Variants in GALNTL6 observed in about 807,000 individuals in gnomAD.
GALNTL6 encodes polypeptide N-acetylgalactosaminyltransferase like 6.
Under a neutral mutation model 73.7 loss-of-function variants are expected in GALNTL6, and 46 were observed. The observed-to-expected ratio is 0.62, with a 90% confidence interval of 0.49 to 0.80. The LOEUF (loss-of-function observed/expected upper bound fraction) is 0.80, where lower values mean the gene tolerates loss of function less well. Ranked by LOEUF, GALNTL6 falls within the 30% of genes least tolerant of loss-of-function variation. The pLI is 0.00. For synonymous variants in GALNTL6, 259 were observed against 263.7 expected (o/e 0.98, Z 0.17); for missense variants, 604 against 755.0 (o/e 0.80, Z 2.34).
chr4:172,313,359 G>A (rs1345088041), intron 4 of GALNTL6, among the ~76,000 whole-genome samples: 2 of 151,902 alleles, frequency 1.3e-5, no homozygotes, highest in Non-Finnish European at 2.9e-5. Context: ...TCCTGACCTC[G>A]TGATCCGCCC....
chr4:172,345,773 C>T lies in GALNTL6; in HGVS notation c.387-2750C>T, dbSNP rs1346425428. 2.6e-5 allele frequency among the ~76,000 whole-genome samples: 4 copies of T among 151,982 alleles called. 1 individual carries two copies. The highest frequency in any genetic ancestry group is 5.9e-5 in the Non-Finnish European group (4 of 68,014). On this transcript the variant is annotated intron_variant, in intron 4 of 12. Coordinates refer to ENST00000506823, the MANE Select transcript of GALNTL6 (RefSeq NM_001034845.3). ...GGTAATCACAGAATGTAGAGTGGTG[C>T]GGTTCAGGGAATGTGAGAAAGGAAG...
chr4:172,395,480 ACTAT>A (rs1743815938), intron 5 of GALNTL6, among the ~76,000 whole-genome samples: 1 of 152,156 alleles, frequency 6.6e-6, no homozygotes, highest in African/African-American at 2.4e-5. Context: ...TGACCTTTAG[ACTAT>A]CTTATTATTG....
At chr4:172,527,072 A>G (rs1186652114) in intron 5 of GALNTL6, among the ~76,000 whole-genome samples, 1 of 152,196 alleles carries the variant, frequency 6.6e-6, no homozygotes, top group Non-Finnish European at 1.5e-5. Flanking sequence ...GCTACTGTGT[A>G]ATTACATACA....
rs1313165287 is a variant in GALNTL6, at chr4:172,981,735, AC to A, written c.1372-27442del. Among the ~76,000 whole-genome samples, 6 of 152,092 alleles carry A rather than the reference AC, an allele frequency of 3.9e-5. No individual in the cohort carries two copies. The East Asian group carries it at 7.7e-4, about 19-fold the overall frequency. On this transcript the variant is annotated intron_variant, in intron 10 of 12. Transcript: ENST00000506823. ...ATAAATTTTTATATTTCTTAAAAAA[AC>A]ATTGAGATATTGATAGGACTTGCAT... is the stretch of plus-strand genomic sequence containing the variant.
In GALNTL6 at chr4:171,938,278, C is replaced by T. The variant is rs117016231; in HGVS notation, c.138+123560C>T. ...CTCATATTCTGCTCACCTCCTACCCCTGACAACAATTACTGAATACAGAAT... is the reference window on the plus strand; with the variant it reads ...CTCATATTCTGCTCACCTCCTACCCTTGACAACAATTACTGAATACAGAAT... On this transcript the variant is annotated intron_variant, in intron 2 of 12. Coordinates refer to ENST00000506823, the MANE Select transcript of GALNTL6 (RefSeq NM_001034845.3). 1.9e-4 allele frequency among the ~76,000 whole-genome samples: 29 copies of T among 152,242 alleles called. No homozygotes were observed. The East Asian group carries it at 5.4e-3, about 28-fold the overall frequency.
intron 5 of GALNTL6, among the ~76,000 whole-genome samples, chr4:172,622,475 A>C (rs1292940110): frequency 6.6e-6 from 1 of 152,202 alleles, no homozygotes; most frequent in African/African-American, 2.4e-5. Context: ...GAAGCTAGAA[A>C]ATTATTTACG....
intron 8 of GALNTL6, among the ~76,000 whole-genome samples, chr4:172,917,403 C>A (rs914963603): frequency 2.0e-5 from 3 of 152,158 alleles, no homozygotes; most frequent in African/African-American, 7.2e-5. Context: ...CAAATGGGAT[C>A]TAATTAAACT....
intron 2 of GALNTL6, among the ~76,000 whole-genome samples, chr4:171,843,003 T>C (rs376671671): frequency 1.3e-5 from 2 of 152,274 alleles, no homozygotes; most frequent in South Asian, 4.1e-4. Context: ...CATCATTGAT[T>C]GGTAACAACA....
chr4:172,871,175 C>T (rs1215817708), intron 7 of GALNTL6, among the ~76,000 whole-genome samples: 2 of 152,172 alleles, frequency 1.3e-5, no homozygotes, highest in East Asian at 1.9e-4. Context: ...AGGGCCAGGC[C>T]TTCTAAAACA....
intron 5 of GALNTL6, among the ~76,000 whole-genome samples, chr4:172,576,477 G>C (rs1455547546): frequency 6.6e-6 from 1 of 152,186 alleles, no homozygotes; most frequent in Non-Finnish European, 1.5e-5. Flanking sequence ...AACATGGATG[G>C]TAATGAATAG....
At chr4:172,361,075 G>A (rs918087029) in intron 5 of GALNTL6, among the ~76,000 whole-genome samples, 4 of 152,006 alleles carry the variant, frequency 2.6e-5, no homozygotes, top group Non-Finnish European at 5.9e-5. Context: ...TGTGAAAAAG[G>A]GTACAGCAAA....
At chr4:172,206,779 T>G (rs1191092164) in intron 2 of GALNTL6, among the ~76,000 whole-genome samples, 1 of 81,594 alleles carries the variant, frequency 1.2e-5, no homozygotes, top group South Asian at 8.5e-4. Context: ...AAACGTGTTT[T>G]TTGTTTTGTT....
intron 2 of GALNTL6, among the ~76,000 whole-genome samples, chr4:172,205,046 CT>C (rs1437825490): frequency 6.6e-6 from 1 of 152,140 alleles, no homozygotes; most frequent in African/African-American, 2.4e-5. Context: ...TTATTCTTTT[CT>C]TAATCCAAAT....
intron 2 of GALNTL6, among the ~76,000 whole-genome samples, chr4:171,961,292 G>C (rs1342690557): frequency 6.6e-6 from 1 of 152,062 alleles, no homozygotes; most frequent in East Asian, 1.9e-4. Flanking sequence ...CCCTGTACAG[G>C]GTTCCTGACC....
At chr4:172,959,242 G>A (rs11132973) in intron 10 of GALNTL6, among the ~76,000 whole-genome samples, 58,079 of 151,756 alleles carry the variant, frequency 0.38, 11,923 homozygotes, top group East Asian at 0.47. Flanking sequence ...AGGAGAGGAT[G>A]TGAAGGAGGC....
At chr4:172,299,523 C>G (rs28776529) in intron 3 of GALNTL6, among the ~76,000 whole-genome samples, 2,739 of 152,258 alleles carry the variant, frequency 0.018, 84 homozygotes, top group African/African-American at 0.062. Flanking sequence ...AAATTTCCCT[C>G]TACACACTGC....
At chr4:171,943,998 T>C (rs532413374) in intron 2 of GALNTL6, among the ~76,000 whole-genome samples, 2 of 152,084 alleles carry the variant, frequency 1.3e-5, no homozygotes, top group South Asian at 2.1e-4. Flanking sequence ...GAACATATTA[T>C]ATCCTAAACT....
intron 5 of GALNTL6, among the ~76,000 whole-genome samples, chr4:172,715,888 T>C (rs1735051119): frequency 6.6e-6 from 1 of 152,206 alleles, no homozygotes; most frequent in Non-Finnish European, 1.5e-5. Context: ...CTAAGTACAC[T>C]ATGTTACTTC....
At chr4:173,005,069 T>A (rs549251196) in intron 10 of GALNTL6, among the ~76,000 whole-genome samples, 32 of 150,464 alleles carry the variant, frequency 2.1e-4, no homozygotes, top group African/African-American at 7.6e-4. Flanking sequence ...CTCTTGTACC[T>A]CTCTGATAAA....
Sources: gnomAD v4.1 joint callset for allele counts (sites outside exome capture counted in the v4.1 genomes callset) on GRCh38, gnomAD v4.1.1 for gene constraint, MANE v1.5 for transcripts, NCBI Gene and HGNC (gene_info 2026-07-23, HGNC 2026-07-21) for gene names.